GRM5: variants seen among roughly 807,000 people sequenced by gnomAD.
GRM5 encodes glutamate metabotropic receptor 5, also known as metabotropic glutamate receptor 5.
A neutral mutation model predicts 83.1 loss-of-function variants in GRM5; 19 were observed. That is an observed-to-expected ratio of 0.23 (90% CI 0.16 to 0.34). The LOEUF is 0.34. GRM5 is among the 10% of genes least tolerant of loss of function. The pLI, the probability that GRM5 is intolerant of heterozygous loss-of-function variation, is 1.00. For missense variants in GRM5, 1,160 were observed against 1,588.3 expected (o/e 0.73, Z 4.58); for synonymous variants, 675 against 633.6 (o/e 1.07, Z -0.98).
intron 2 of GRM5, among the ~76,000 whole-genome samples, chr11:88,871,204 T>G (rs1469785158): frequency 6.6e-6 from 1 of 151,652 alleles, no homozygotes; most frequent in Admixed American, 6.6e-5. Flanking sequence ...TGAAATATTA[T>G]CCTCATTTCC....
At chr11:89,064,233 C>T (rs1942054438) in intron 1 of GRM5, among the ~76,000 whole-genome samples, 1 of 152,166 alleles carries the variant, frequency 6.6e-6, no homozygotes, top group South Asian at 2.1e-4. Context: ...TTCCTCAATG[C>T]TAACCTTAAA....
chr11:89,041,353 G>A (rs547600555), intron 2 of GRM5, among the ~76,000 whole-genome samples: 1 of 152,218 alleles, frequency 6.6e-6, no homozygotes, highest in African/African-American at 2.4e-5. Context: ...TGGACATGGA[G>A]TATTTGTGGG....
chr11:88,633,849 A>G (rs1467545174), intron 4 of GRM5, among the ~76,000 whole-genome samples: 1 of 152,162 alleles, frequency 6.6e-6, no homozygotes, highest in Non-Finnish European at 1.5e-5. Context: ...ATTTTTATAT[A>G]CATTCATACA....
intron 2 of GRM5, among the ~76,000 whole-genome samples, chr11:88,963,970 C>T (rs2134990164): frequency 6.6e-6 from 1 of 152,074 alleles, no homozygotes; most frequent in East Asian, 1.9e-4. Context: ...TAGTAAAGGC[C>T]CACAAGAGAT....
At chr11:88,576,135 A>C (rs1295188171) in intron 7 of GRM5, among the ~76,000 whole-genome samples, 1 of 152,154 alleles carries the variant, frequency 6.6e-6, no homozygotes, top group Non-Finnish European at 1.5e-5. Context: ...TTAAATAATA[A>C]AGCGTGCTGA....
At chr11:88,865,612 A>C (rs945370449) in intron 2 of GRM5, among the ~76,000 whole-genome samples, 1 of 152,212 alleles carries the variant, frequency 6.6e-6, no homozygotes, top group Admixed American at 6.6e-5. Context: ...TTAGCATCAG[A>C]GTGAAAAGGC....
chr11:88,725,150 AC>A lies in GRM5; in HGVS notation c.912-71748del, dbSNP rs1324894370. 5.9e-5 allele frequency among the ~76,000 whole-genome samples: 9 copies of A among 152,274 alleles called. No homozygotes were observed. In the South Asian group the frequency reaches 1.9e-3, roughly 32 times the overall value. On this transcript the variant is annotated intron_variant, in intron 3 of 9. Transcript: ENST00000305447. ...GATACGCTGGTTTAAAATTCTTGCC[AC>A]CAGCACAGCAGTCTGAAGTTGACCT... is the stretch of plus-strand genomic sequence containing the variant.
chr11:88,618,639 G>A (rs1429867401), intron 4 of GRM5, among the ~76,000 whole-genome samples: 1 of 151,856 alleles, frequency 6.6e-6, no homozygotes, highest in African/African-American at 2.4e-5. Flanking sequence ...TATAAGTATG[G>A]GCTCAGTGGT....
At chr11:88,633,143 C>T (rs968444873) in intron 4 of GRM5, among the ~76,000 whole-genome samples, 9 of 152,152 alleles carry the variant, frequency 5.9e-5, no homozygotes, top group Non-Finnish European at 1.2e-4. Flanking sequence ...CCACTATGCA[C>T]TTATTGGGTC....
chr11:88,606,119 T>C (rs1202736735), intron 4 of GRM5, among the ~76,000 whole-genome samples: 2 of 152,122 alleles, frequency 1.3e-5, no homozygotes, highest in South Asian at 2.1e-4. Context: ...GAGCATGCTA[T>C]GTTTGGGAGA....
intron 3 of GRM5, among the ~76,000 whole-genome samples, chr11:88,751,169 G>A (rs1942267395): frequency 6.7e-6 from 1 of 150,174 alleles, no homozygotes. Flanking sequence ...ACAAATCCAG[G>A]AGCTGTTCTT....
intron 3 of GRM5, among the ~76,000 whole-genome samples, chr11:88,658,208 C>T (rs540472735): frequency 3.3e-5 from 5 of 152,246 alleles, no homozygotes; most frequent in African/African-American, 9.6e-5. Context: ...TGAGATGGAA[C>T]AGTTTCATCC....
chr11:88,940,872 G>C (rs1187813755), intron 2 of GRM5, among the ~76,000 whole-genome samples: 1 of 151,948 alleles, frequency 6.6e-6, no homozygotes, highest in Non-Finnish European at 1.5e-5. Context: ...GGCAGAAGAT[G>C]AGAAACAAAA....
chr11:88,766,109 T>A (rs868451694), intron 3 of GRM5, among the ~76,000 whole-genome samples: 5 of 151,908 alleles, frequency 3.3e-5, no homozygotes, highest in African/African-American at 1.2e-4. Context: ...AGAATCAATA[T>A]TATTAAAATG....
intron 3 of GRM5, among the ~76,000 whole-genome samples, chr11:88,774,243 GCT>G (rs200214425): frequency 0.036 from 5,398 of 151,876 alleles, 255 homozygotes; most frequent in Admixed American, 0.15. Context: ...ACATGATTTG[GCT>G]CTCTGTTTGT....
chr11:88,595,937 T>C (rs944049167), intron 6 of GRM5, among the ~76,000 whole-genome samples: 1 of 152,256 alleles, frequency 6.6e-6, no homozygotes, highest in Non-Finnish European at 1.5e-5. Flanking sequence ...CAATTTTATT[T>C]ATTTTAATAG....
At chr11:88,920,937 T>A (rs1426678783) in intron 2 of GRM5, among the ~76,000 whole-genome samples, 2 of 152,174 alleles carry the variant, frequency 1.3e-5, no homozygotes, top group Non-Finnish European at 1.5e-5. Context: ...TCTTATTTTT[T>A]AAAAACATAT....
At chr11:88,645,641 T>C (rs770012518) in intron 4 of GRM5, among the ~76,000 whole-genome samples, 9 of 152,146 alleles carry the variant, frequency 5.9e-5, no homozygotes, top group Non-Finnish European at 8.8e-5. Context: ...GTAACATTGA[T>C]GAGATTTGCT....
intron 3 of GRM5, among the ~76,000 whole-genome samples, chr11:88,702,086 G>A (rs961690): frequency 0.58 from 88,505 of 151,774 alleles, 28,736 homozygotes; most frequent in South Asian, 0.81. Context: ...AAGGTTGTCT[G>A]CTGTCCCGTT....
Sources: gnomAD v4.1 joint callset for allele counts (sites outside exome capture counted in the v4.1 genomes callset) on GRCh38, gnomAD v4.1.1 for gene constraint, MANE v1.5 for transcripts, NCBI Gene and HGNC (gene_info 2026-07-23, HGNC 2026-07-21) for gene names.